GHR: variants seen among roughly 807,000 people sequenced by gnomAD.
The protein encoded by GHR is GH receptor.
A neutral mutation model predicts 67.1 loss-of-function variants in GHR; 35 were observed. The ratio of observed to expected loss-of-function variants is 0.52; its 90% CI spans 0.40 to 0.69. The LOEUF is 0.69. GHR is among the 30% of genes least tolerant of loss of function. The pLI is 0.00. For missense variants in GHR, 792 were observed against 764.6 expected (o/e 1.04, Z -0.42); for synonymous variants, 272 against 269.1 (o/e 1.01, Z -0.10).
At chr5:42,604,057 TACAA>T (rs1052826749) in intron 2 of GHR, among the ~76,000 whole-genome samples, 3 of 152,318 alleles carry the variant, frequency 2.0e-5, no homozygotes, top group Admixed American at 1.3e-4. Flanking sequence ...TTTTAAGGGA[TACAA>T]ACAAACAGCC....
intron 1 of GHR, among the ~76,000 whole-genome samples, chr5:42,425,567 G>C (rs1287432794): frequency 6.6e-6 from 1 of 152,134 alleles, no homozygotes; most frequent in Non-Finnish European, 1.5e-5. Flanking sequence ...TCAGTGATTG[G>C]GAGCTCTTTT....
intron 1 of GHR, among the ~76,000 whole-genome samples, chr5:42,502,754 T>A (rs893811479): frequency 6.7e-6 from 1 of 150,332 alleles, no homozygotes; most frequent in African/African-American, 2.4e-5. Flanking sequence ...TTGTACATTT[T>A]AAACTCAAAA....
At chr5:42,483,630 C>T (rs367552073) in intron 1 of GHR, among the ~76,000 whole-genome samples, 2 of 152,092 alleles carry the variant, frequency 1.3e-5, no homozygotes, top group Admixed American at 6.5e-5. Context: ...CTAGTTAACA[C>T]GTTAGGGGAG....
At chr5:42,668,237 G>C (rs1368117713) in intron 3 of GHR, among the ~76,000 whole-genome samples, 1 of 152,184 alleles carries the variant, frequency 6.6e-6, no homozygotes, top group African/African-American at 2.4e-5. Context: ...GGGGGTAGGA[G>C]ATATTGAGGC....
intron 3 of GHR, among the ~76,000 whole-genome samples, chr5:42,645,790 T>A (rs1443508791): frequency 6.6e-6 from 1 of 152,184 alleles, no homozygotes; most frequent in Non-Finnish European, 1.5e-5. Context: ...ATAACCAAAA[T>A]GTATTTTATT....
rs201032284 is a variant in GHR at position 42,711,378 on chromosome 5, A to G, written c.784+6A>G. On this transcript the variant is annotated splice_donor_region_variant and intron_variant, in intron 7 of 9. Coordinates refer to ENST00000230882, the MANE Select transcript of GHR (RefSeq NM_000163.5). The stretch of plus-strand genomic sequence containing the variant: ...CCAATTTACATGTGAAGAAGGTAAA[A>G]GAAATAAAAGATTAAAATAGTAGCT... 3.5e-5 allele frequency: 56 copies of G among 1,597,726 alleles called. No individual in the cohort carries two copies. In the Middle Eastern group the frequency reaches 8.3e-4, roughly 24 times the overall value.
At chr5:42,601,815 C>T (rs138666125) in intron 2 of GHR, among the ~76,000 whole-genome samples, 51 of 152,098 alleles carry the variant, frequency 3.4e-4, no homozygotes, top group Non-Finnish European at 6.0e-4. Flanking sequence ...CTTTCATTCA[C>T]CTTTTCAATT....
intron 1 of GHR, chr5:42,465,263 T>G: frequency 1.6e-6 from 1 of 608,470 alleles, no homozygotes; most frequent in Non-Finnish European, 2.9e-6. Flanking sequence ...ACAGAAAGAA[T>G]TTGATTTTCT....
chr5:42,551,945 G>A (rs943332526), intron 1 of GHR, among the ~76,000 whole-genome samples: 3 of 152,188 alleles, frequency 2.0e-5, no homozygotes, highest in African/African-American at 4.8e-5. Context: ...AGCATGAATG[G>A]TTTGGTACTG....
chr5:42,511,364 A>T (rs1747007066), intron 1 of GHR, among the ~76,000 whole-genome samples: 1 of 152,246 alleles, frequency 6.6e-6, no homozygotes, highest in Non-Finnish European at 1.5e-5. Context: ...CATCTGATAT[A>T]TTATAATACT....
At chr5:42,457,912 C>T (rs1352900716) in intron 1 of GHR, among the ~76,000 whole-genome samples, 1 of 152,188 alleles carries the variant, frequency 6.6e-6, no homozygotes, top group African/African-American at 2.4e-5. Context: ...GCCTCTCTGC[C>T]TCAGTTTCTT....
intron 1 of GHR, among the ~76,000 whole-genome samples, chr5:42,491,159 C>T (rs1746097927): frequency 6.6e-6 from 1 of 152,192 alleles, no homozygotes; most frequent in Non-Finnish European, 1.5e-5. Flanking sequence ...ATTATCATGC[C>T]TGAGGATCGT....
At chr5:42,512,469 C>A (rs1335114961) in intron 1 of GHR, among the ~76,000 whole-genome samples, 2 of 152,106 alleles carry the variant, frequency 1.3e-5, no homozygotes, top group African/African-American at 4.8e-5. Flanking sequence ...GGTGATACAA[C>A]CAGATTCGTC....
At chr5:42,637,736 G>T (rs1418562144) in intron 3 of GHR, among the ~76,000 whole-genome samples, 1 of 152,040 alleles carries the variant, frequency 6.6e-6, no homozygotes, top group Non-Finnish European at 1.5e-5. Context: ...TTATGTTTTT[G>T]CTGTTATGAA....
intron 1 of GHR, chr5:42,468,434 A>G: frequency 1.0e-6 from 1 of 969,154 alleles, no homozygotes; most frequent in East Asian, 2.5e-5. Flanking sequence ...TCCCAGGGCC[A>G]AGATGAGTAT....
rs563382188 is a variant in GHR, at chr5:42,620,342, A to G, written c.71-8696A>G. ...ATATTTAGTAATTTTACAAATATGT[A>G]TTGAGCACTCCCTATATTTAAGGAA... On this transcript the variant is annotated intron_variant, in intron 2 of 9. Transcript: ENST00000230882. 5.9e-5 allele frequency among the ~76,000 whole-genome samples: 9 copies of G among 152,276 alleles called. No homozygotes were observed. The South Asian group carries it at 1.9e-3, about 32-fold the overall frequency.
chr5:42,467,765 C>A, intron 1 of GHR: 1 of 1,538,796 alleles, frequency 6.5e-7, no homozygotes, highest in Non-Finnish European at 9.0e-7. Flanking sequence ...ACGAGGTTTG[C>A]ACTCTGACTA....
At chr5:42,560,159 C>A (rs1010846121) in intron 1 of GHR, among the ~76,000 whole-genome samples, 7 of 152,036 alleles carry the variant, frequency 4.6e-5, no homozygotes, top group Non-Finnish European at 8.8e-5. Context: ...AATTACAAAC[C>A]AGATATGAGC....
chr5:42,695,616 G>A (rs1239421176), intron 5 of GHR, among the ~76,000 whole-genome samples: 1 of 152,074 alleles, frequency 6.6e-6, no homozygotes, highest in Non-Finnish European at 1.5e-5. Context: ...AACAAATACT[G>A]GAGACAATCA....
Sources: allele counts gnomAD v4.1 joint callset (sites outside exome capture counted in the v4.1 genomes callset), GRCh38; gene constraint gnomAD v4.1.1; transcripts MANE v1.5; gene names NCBI Gene and HGNC (gene_info 2026-07-23, HGNC 2026-07-21).